Variants in NRG3 observed in about 807,000 individuals in gnomAD.
The protein encoded by NRG3 is pro-neuregulin-3, membrane-bound isoform.
NRG3 carries 31 observed loss-of-function variants against 66.9 expected under a neutral mutation model. The ratio of observed to expected loss-of-function variants is 0.46; its 90% confidence interval spans 0.35 to 0.63. NRG3 has a LOEUF of 0.63. Ranked by LOEUF, NRG3 falls within the 20% of genes least tolerant of loss-of-function variation. The pLI, the probability that NRG3 is intolerant of heterozygous loss-of-function variation, is 0.00. For missense variants in NRG3, 910 were observed against 878.9 expected (o/e 1.04, Z -0.45); for synonymous variants, 393 against 359.4 (o/e 1.09, Z -1.06).
At chr10:82,201,716 C>G (rs1004126181) in intron 1 of NRG3, among the ~76,000 whole-genome samples, 1 of 152,088 alleles carries the variant, frequency 6.6e-6, no homozygotes, top group Non-Finnish European at 1.5e-5. Context: ...AGATACCTTT[C>G]AAAGGTAACT....
At chr10:82,072,018 A>G (rs1183159406) in intron 1 of NRG3, among the ~76,000 whole-genome samples, 4 of 152,080 alleles carry the variant, frequency 2.6e-5, no homozygotes, top group Non-Finnish European at 4.4e-5. Flanking sequence ...TTAATTACCT[A>G]TTTGTTCTTC....
In NRG3 at chr10:82,377,457, T is replaced by TGCGCGCGC. The variant is rs141762555; in HGVS notation, c.953+18594_953+18595insCGCGCGCG. Among the ~76,000 whole-genome samples, 445 of 150,446 alleles carry TGCGCGCGC rather than the reference T, an allele frequency of 3.0e-3. 4 individuals carry two copies. The highest frequency in any genetic ancestry group is 0.011 in the African/African-American group (433 of 40,416). ...GCGCGTGTGTGTGTGTGTGTGTGTG[T>TGCGCGCGC]GCGCGAGCGCACATGCGTGAGTTCA... is the stretch of plus-strand genomic sequence containing the variant. On this transcript the variant is annotated intron_variant, in intron 2 of 8. Transcript: ENST00000372141.
At chr10:82,501,658 G>T (rs1179184425) in intron 2 of NRG3, among the ~76,000 whole-genome samples, 1 of 152,056 alleles carries the variant, frequency 6.6e-6, no homozygotes, top group Non-Finnish European at 1.5e-5. Context: ...TATTTTCCCA[G>T]AAAGTACCAT....
At chr10:82,651,034 A>G (rs1393372546) in intron 2 of NRG3, among the ~76,000 whole-genome samples, 1 of 152,234 alleles carries the variant, frequency 6.6e-6, no homozygotes, top group Non-Finnish European at 1.5e-5. Context: ...TGATGGAAGC[A>G]TATAATTGGG....
chr10:82,653,258 A>G (rs2051572116), intron 2 of NRG3, among the ~76,000 whole-genome samples: 1 of 152,220 alleles, frequency 6.6e-6, no homozygotes, highest in Non-Finnish European at 1.5e-5. Flanking sequence ...AAGTAAAGAA[A>G]AACAGAAGTT....
chr10:82,356,827 G>A (rs1476695177), intron 1 of NRG3, among the ~76,000 whole-genome samples: 7 of 152,254 alleles, frequency 4.6e-5, no homozygotes, highest in African/African-American at 1.2e-4. Flanking sequence ...TGTACAAAAT[G>A]CGTTAACTTT....
At chr10:82,313,902 A>G (rs1050381968) in intron 1 of NRG3, among the ~76,000 whole-genome samples, 6 of 152,182 alleles carry the variant, frequency 3.9e-5, no homozygotes. Context: ...CTTGAGCATC[A>G]TCTCTTTGAT....
intron 1 of NRG3, among the ~76,000 whole-genome samples, chr10:82,228,467 C>G (rs1213953232): frequency 6.6e-6 from 1 of 151,892 alleles, no homozygotes; most frequent in African/African-American, 2.4e-5. Flanking sequence ...ATGCTTCATT[C>G]AAATATGATA....
rs17101193 is a variant in NRG3 at position 82,985,170 on chromosome 10, C to A, written c.1656C>A (p.Asn552Lys). 0.07 allele frequency: 113,093 copies of A among 1,613,980 alleles called. 4,979 individuals carry two copies. Among genetic ancestry groups the A allele is most frequent in the Admixed American group, 0.17 (10,010 of 59,998 alleles). Residue 552 changes from asparagine (N) to lysine (K), a missense_variant, in exon 9 of 9, where the codon AAC (asparagine) becomes AAA (lysine). Coordinates refer to ENST00000372141, the MANE Select transcript of NRG3 (RefSeq NM_001010848.4). ...TGCAACTGCCTTCAAGAGAGACAAACCCCTATTTTAATAGCTTGGAGCAAA... is the reference window on the plus strand; with the variant it reads ...TGCAACTGCCTTCAAGAGAGACAAAACCCTATTTTAATAGCTTGGAGCAAA... The part of the protein sequence containing the change: ...INMQLPSRET[N>K]PYFNSLEQKD...
At chr10:82,829,935 G>T (rs1424771679) in intron 3 of NRG3, among the ~76,000 whole-genome samples, 1 of 152,170 alleles carries the variant, frequency 6.6e-6, no homozygotes, top group Non-Finnish European at 1.5e-5. Context: ...TTGCCCCTGG[G>T]TGGACAAGTG....
At chr10:81,957,223 G>A (rs181020047) in intron 1 of NRG3, among the ~76,000 whole-genome samples, 5 of 152,254 alleles carry the variant, frequency 3.3e-5, no homozygotes, top group South Asian at 2.1e-4. Flanking sequence ...AACCAGGAAC[G>A]CCTGCATTGG....
chr10:81,974,446 A>G (rs536225668), intron 1 of NRG3, among the ~76,000 whole-genome samples: 6 of 152,218 alleles, frequency 3.9e-5, no homozygotes, highest in Non-Finnish European at 7.4e-5. Context: ...TTTGTCATGG[A>G]GAATAAGTTT....
intron 1 of NRG3, among the ~76,000 whole-genome samples, chr10:82,302,469 A>G (rs2080459179): frequency 1.3e-5 from 2 of 152,158 alleles, no homozygotes; most frequent in South Asian, 4.1e-4. Flanking sequence ...TATAAACTAT[A>G]TATACCATGT....
chr10:82,928,743 GTACTCCAATAAAACTTTATT>G (rs1190209013), intron 4 of NRG3, among the ~76,000 whole-genome samples: 1 of 152,012 alleles, frequency 6.6e-6, no homozygotes, highest in East Asian at 1.9e-4. Flanking sequence ...AGATGTGGCT[GTACTCCAATAAAACTTTATT>G]TACAAAAGCA....
intron 2 of NRG3, among the ~76,000 whole-genome samples, chr10:82,631,905 C>T (rs2049867937): frequency 6.6e-6 from 1 of 152,002 alleles, no homozygotes; most frequent in Non-Finnish European, 1.5e-5. Flanking sequence ...AGTTCAAGAC[C>T]AGCCCGGCCA....
chr10:82,078,406 A>G (rs2065209747), intron 1 of NRG3, among the ~76,000 whole-genome samples: 1 of 152,216 alleles, frequency 6.6e-6, no homozygotes, highest in Non-Finnish European at 1.5e-5. Flanking sequence ...GCTGGAGTGC[A>G]GTGGCACGAT....
At chr10:82,296,833 A>G (rs971910928) in intron 1 of NRG3, among the ~76,000 whole-genome samples, 1 of 151,622 alleles carries the variant, frequency 6.6e-6, no homozygotes, top group South Asian at 2.1e-4. Context: ...TTAAATGGGT[A>G]TATTTGGTGA....
chr10:82,298,114 A>C (rs1489944106), intron 1 of NRG3, among the ~76,000 whole-genome samples: 3 of 151,954 alleles, frequency 2.0e-5, no homozygotes, highest in Admixed American at 6.6e-5. Context: ...ACTGCACTCA[A>C]GCCTGGGCAA....
intron 1 of NRG3, among the ~76,000 whole-genome samples, chr10:81,946,729 A>C (rs1241881118): frequency 6.6e-6 from 1 of 152,218 alleles, no homozygotes; most frequent in Non-Finnish European, 1.5e-5. Flanking sequence ...TTATGAATAC[A>C]TGAGCTGTCC....
Sources: gnomAD v4.1 joint callset for allele counts (sites outside exome capture counted in the v4.1 genomes callset) on GRCh38, gnomAD v4.1.1 for gene constraint, MANE v1.5 for transcripts, NCBI Gene and HGNC (gene_info 2026-07-23, HGNC 2026-07-21) for gene names.